The following TBC1D10A variants were observed in gnomAD, a reference collection of about 807,000 sequenced individuals.
TBC1D10A encodes EBP50-PDX interactor of 64 kDa.
TBC1D10A carries 24 observed loss-of-function variants against 52.9 expected under a neutral mutation model. The observed-to-expected ratio is 0.45, with a 90% CI of 0.33 to 0.64. TBC1D10A has a LOEUF of 0.64. Among genes scored for constraint, TBC1D10A ranks in the 30% least tolerant of loss-of-function variants. The pLI, the probability that TBC1D10A is intolerant of heterozygous loss-of-function variation, is 0.02. For synonymous variants in TBC1D10A, 278 were observed against 282.9 expected (o/e 0.98, Z 0.17); for missense variants, 602 against 687.9 (o/e 0.88, Z 1.40).
Position 30,292,558 on chromosome 22 carries a change from G to A in TBC1D10A, c.1344C>T (p.Pro448=). The change falls in exon 9 of 9, where the codon CCC becomes CCT. Residue 448 remains proline (P), a synonymous_variant. Coordinates refer to ENST00000215790, the MANE Select transcript of TBC1D10A (RefSeq NM_031937.3). ...QMKGRGQLEK[P]PAPNQAMVVA... is the part of the protein sequence containing the mutation. ...CCACCATGGCTTGATTTGGGGCTGG[G>A]GGCTTCTCCAGCTGCCCTCTCCCCT... The A allele has an allele frequency of 6.2e-7, 1 of 1,613,654 alleles. No individual in the cohort carries two copies. Among genetic ancestry groups the A allele is most frequent in the Non-Finnish European group, 8.5e-7 (1 of 1,179,898 alleles).
chr22:30,295,841 C>G lies in TBC1D10A; in HGVS notation c.420G>C (p.Glu140Asp), dbSNP rs1271632939. ...TGGGGTCCCCAGGGGACATGTCCAG[C>G]TCCTAGAAGCAAGGGCACAAATTAG... is the stretch of plus-strand genomic sequence containing the variant. ...KLQQNPGKFD[E>D]LDMSPGDPKW... The change falls in exon 4 of 9, where the codon GAG becomes GAC. Residue 140 changes from glutamate to aspartate, a missense_variant and splice_region_variant. Around this residue, in one of 3 missense-constraint regions of TBC1D10A, gnomAD observed 201 missense variants for 204.4 expected, o/e 0.98. Transcript: ENST00000215790. The G allele has an allele frequency of 1.2e-6, 2 of 1,612,248 alleles. No homozygotes were observed. Among genetic ancestry groups the G allele is most frequent in the Non-Finnish European group, 8.5e-7 (1 of 1,179,088 alleles).
At chr22:30,318,901 C>G (rs1049816040) in intron 1 of TBC1D10A, 1 of 350,600 alleles carries the variant, frequency 2.9e-6, no homozygotes, top group Non-Finnish European at 5.7e-6. Flanking sequence ...GGACTCAGAC[C>G]GCCCAACCCA....
intron 2 of TBC1D10A, 200 bp from the exon 3 acceptor site, chr22:30,299,751 G>A: frequency 4.4e-6 from 2 of 452,128 alleles, no homozygotes; most frequent in East Asian, 4.4e-5. Flanking sequence ...TGGATCACCT[G>A]AGTTCAGGAG....
At position 30,295,859 on chromosome 22, in the gene TBC1D10A, C is replaced by A. The variant is rs1280143223; in HGVS notation, c.418-16G>T. On this transcript the variant is annotated splice_polypyrimidine_tract_variant and intron_variant, in intron 3 of 8. Coordinates refer to ENST00000215790, the MANE Select transcript of TBC1D10A (RefSeq NM_031937.3). ...TGTCCAGCTCCTAGAAGCAAGGGCACAAATTAGGGGCTGGGGAGGATGGAG... is the reference window on the plus strand; with the variant it reads ...TGTCCAGCTCCTAGAAGCAAGGGCAAAAATTAGGGGCTGGGGAGGATGGAG... 1.2e-6 allele frequency: 2 copies of A among 1,607,278 alleles called. No homozygotes were observed. Among genetic ancestry groups the A allele is most frequent in the Non-Finnish European group, 1.7e-6 (2 of 1,176,398 alleles).
In TBC1D10A at chr22:30,295,832, C is replaced by CATG; in HGVS notation, c.426_428dup (p.Asp142_Met143insIle). The CATG allele has an allele frequency of 6.2e-7, 1 of 1,613,492 alleles. No homozygotes were observed. The highest frequency in any genetic ancestry group is 1.1e-5 in the South Asian group (1 of 91,062). On this transcript the variant is annotated inframe_insertion, in exon 4 of 9. Coordinates refer to ENST00000215790, the MANE Select transcript of TBC1D10A (RefSeq NM_031937.3). Reference sequence around the variant, plus strand: ...CCAGCCACTTGGGGTCCCCAGGGGACATGTCCAGCTCCTAGAAGCAAGGGC... The same window carrying CATG: ...CCAGCCACTTGGGGTCCCCAGGGGACATGATGTCCAGCTCCTAGAAGCAAGGGC...
intron 1 of TBC1D10A, among the ~76,000 whole-genome samples, chr22:30,312,259 G>C (rs1170996672): frequency 6.6e-6 from 1 of 152,158 alleles, no homozygotes; most frequent in Admixed American, 6.5e-5. Context: ...AGATCTCATT[G>C]ATAGATCTTA....
At chr22:30,302,589 C>G (rs1055361325) in intron 2 of TBC1D10A, among the ~76,000 whole-genome samples, 3 of 152,234 alleles carry the variant, frequency 2.0e-5, no homozygotes, top group African/African-American at 7.2e-5. Context: ...GGGCAGGGCC[C>G]AGTATGGCCA....
chr22:30,312,991 G>A (rs1189448665), intron 1 of TBC1D10A, among the ~76,000 whole-genome samples: 1 of 152,200 alleles, frequency 6.6e-6, no homozygotes, highest in Non-Finnish European at 1.5e-5. Flanking sequence ...AAGGGGCTAG[G>A]AGACTGCAAA....
chr22:30,302,457 G>A (rs1013263679), intron 2 of TBC1D10A, among the ~76,000 whole-genome samples: 1 of 152,242 alleles, frequency 6.6e-6, no homozygotes, highest in Admixed American at 6.5e-5. Flanking sequence ...GCAGGACTAT[G>A]TATGAGTCCA....
At chr22:30,305,945 G>C (rs1021597016) in intron 1 of TBC1D10A, among the ~76,000 whole-genome samples, 1 of 152,140 alleles carries the variant, frequency 6.6e-6, no homozygotes, top group African/African-American at 2.4e-5. Flanking sequence ...CAGAACTAGG[G>C]CATGAGTTAC....
intron 1 of TBC1D10A, among the ~76,000 whole-genome samples, chr22:30,310,181 G>A (rs927827629): frequency 1.3e-5 from 2 of 152,188 alleles, no homozygotes; most frequent in Non-Finnish European, 2.9e-5. Context: ...TGTGCAAAAA[G>A]TGACAACTTC....
At chr22:30,292,918 C>G in intron 8 of TBC1D10A, 67 bp from the exon 9 acceptor site, 3 of 1,564,324 alleles carry the variant, frequency 1.9e-6, no homozygotes, top group Non-Finnish European at 2.6e-6. Context: ...GCCTCCCAGC[C>G]TGGGCCCCCA....
chr22:30,309,531 T>A (rs924699172), intron 1 of TBC1D10A, among the ~76,000 whole-genome samples: 1 of 152,156 alleles, frequency 6.6e-6, no homozygotes, highest in Non-Finnish European at 1.5e-5. Flanking sequence ...GCCAGGGCAA[T>A]CTGCCATTTG....
At chr22:30,315,296 G>A (rs182910473) in intron 1 of TBC1D10A, among the ~76,000 whole-genome samples, 20 of 152,298 alleles carry the variant, frequency 1.3e-4, no homozygotes, top group Middle Eastern at 3.4e-3. Flanking sequence ...ATTTACACTC[G>A]AATTGTGAGA....
chr22:30,303,837 C>T (rs752559284), intron 2 of TBC1D10A, among the ~76,000 whole-genome samples: 1 of 152,208 alleles, frequency 6.6e-6, no homozygotes, highest in Non-Finnish European at 1.5e-5. Context: ...GAGTGGTGGG[C>T]AAGAATGTTC....
chr22:30,318,695 A>C (rs740219), intron 1 of TBC1D10A: 405,874 of 471,112 alleles, frequency 0.86, 175,689 homozygotes, highest in African/African-American at 0.97. Flanking sequence ...TGAACCAAGC[A>C]CTAATGATTT....
intron 2 of TBC1D10A, 199 bp from the exon 3 acceptor site, chr22:30,299,750 T>C: frequency 4.3e-6 from 2 of 463,014 alleles, no homozygotes; most frequent in Non-Finnish European, 7.9e-6. Flanking sequence ...GTGGATCACC[T>C]GAGTTCAGGA....
intron 6 of TBC1D10A, 86 bp downstream of exon 6, chr22:30,294,709 TG>T: frequency 6.3e-7 from 1 of 1,576,736 alleles, no homozygotes; most frequent in Non-Finnish European, 8.7e-7. Flanking sequence ...GTTTTTAACC[TG>T]GGCAGGAGTT....
intron 2 of TBC1D10A, among the ~76,000 whole-genome samples, chr22:30,303,598 T>TA (rs2145771142): frequency 6.6e-6 from 1 of 152,360 alleles, no homozygotes; most frequent in East Asian, 1.9e-4. Context: ...CCCAAGTCTA[T>TA]ATGCCTGACT....
Sources: gnomAD v4.1 joint callset for allele counts (sites outside exome capture counted in the v4.1 genomes callset) on GRCh38, gnomAD v4.1.1 for gene constraint, gnomAD v4.1.1 regional missense constraint, MANE v1.5 for transcripts, NCBI Gene and HGNC (gene_info 2026-07-23, HGNC 2026-07-21) for gene names.